The following CSMD1 variants were observed in gnomAD, a reference collection of about 807,000 sequenced individuals.
CSMD1 encodes the protein CUB and sushi domain-containing protein 1.
In CSMD1, 213 loss-of-function variants were observed where a neutral mutation model predicts 417.5. The ratio of observed to expected loss-of-function variants is 0.51; its 90% CI spans 0.46 to 0.57. The LOEUF (loss-of-function observed/expected upper bound fraction) is 0.57, where lower values mean the gene tolerates loss of function less well. CSMD1 is among the 20% of genes least tolerant of loss of function. The pLI is 0.00. For synonymous variants in CSMD1, 2,862 were observed against 1,736.8 expected, an observed-to-expected ratio of 1.65 and a Z score of -16.11; for missense variants, 6,923 against 4,529.7, an observed-to-expected ratio of 1.53 and a Z score of -15.17.
At chr8:4,296,395 T>C (rs1024640610) in intron 3 of CSMD1, among the ~76,000 whole-genome samples, 1 of 152,190 alleles carries the variant, frequency 6.6e-6, no homozygotes, top group African/African-American at 2.4e-5. Flanking sequence ...AACATAATAA[T>C]GATTTAAAAT....
intron 17 of CSMD1, among the ~76,000 whole-genome samples, chr8:3,394,826 G>A (rs1434032430): frequency 6.6e-6 from 1 of 152,040 alleles, no homozygotes; most frequent in Non-Finnish European, 1.5e-5. Context: ...TTACTTTGGA[G>A]CAAATGTTGT....
In CSMD1 at chr8:4,143,386, TTG is replaced by T. The variant is rs79491551; in HGVS notation, c.416-111289_416-111288del. 2.1e-4 allele frequency among the ~76,000 whole-genome samples: 30 copies of T among 143,208 alleles called. 1 individual carries two copies. Among genetic ancestry groups the T allele is most frequent in the African/African-American group, 7.4e-4 (29 of 39,346 alleles). 94.0% of individuals were successfully genotyped at this position (143,208 alleles called of 152,430 possible). ...CGTCTTATCCCTTTTTTTTTTTTTT[TTG>T]CTACAGACTAAGTTAATTAGGTGGA... On this transcript the variant is annotated intron_variant, in intron 3 of 69. Coordinates refer to ENST00000635120, the MANE Select transcript of CSMD1 (RefSeq NM_033225.6).
At chr8:3,854,194 T>A (rs900270462) in intron 5 of CSMD1, among the ~76,000 whole-genome samples, 2 of 148,580 alleles carry the variant, frequency 1.3e-5, no homozygotes, top group East Asian at 3.9e-4. Context: ...AATGGACCAA[T>A]TCTCATGCTT....
intron 40 of CSMD1, among the ~76,000 whole-genome samples, chr8:3,149,187 AAT>A (rs1819038280): frequency 6.6e-6 from 1 of 152,232 alleles, no homozygotes; most frequent in Non-Finnish European, 1.5e-5. Flanking sequence ...TCTCTCGCAC[AAT>A]AGTTTATAAA....
chr8:4,523,993 C>A (rs1003776344), intron 2 of CSMD1, among the ~76,000 whole-genome samples: 13 of 152,040 alleles, frequency 8.6e-5, no homozygotes, highest in Admixed American at 3.9e-4. Context: ...TCAAATGGGT[C>A]CCTATGTTAG....
intron 3 of CSMD1, among the ~76,000 whole-genome samples, chr8:4,224,509 A>G (rs1261754801): frequency 2.6e-5 from 4 of 152,156 alleles, no homozygotes; most frequent in Non-Finnish European, 5.9e-5. Context: ...TGTCTACTAA[A>G]TGCCCTCTTC....
rs142554898 is a variant in CSMD1, at chr8:4,474,181, G to A, written c.303-54116C>T. Among the ~76,000 whole-genome samples, 722 of 152,136 alleles carry A rather than the reference G, an allele frequency of 4.7e-3. 4 individuals carry two copies. Among genetic ancestry groups the A allele is most frequent in the African/African-American group, 0.016 (678 of 41,494 alleles). On this transcript the variant is annotated intron_variant, in intron 2 of 69. Coordinates refer to ENST00000635120, the MANE Select transcript of CSMD1 (RefSeq NM_033225.6). Reference sequence around the variant, plus strand: ...ATTTCCACACATGGAAATAATCTTCGTAAGTGAAAATTTAAATGTAAGAAC... The same window carrying A: ...ATTTCCACACATGGAAATAATCTTCATAAGTGAAAATTTAAATGTAAGAAC...
chr8:3,264,206 T>C (rs1029476091), intron 26 of CSMD1, among the ~76,000 whole-genome samples: 1 of 152,194 alleles, frequency 6.6e-6, no homozygotes, highest in Non-Finnish European at 1.5e-5. Flanking sequence ...GAGGAAGTAA[T>C]TATTAGATTT....
chr8:3,401,577 G>C (rs1563349753), intron 15 of CSMD1, among the ~76,000 whole-genome samples: 1 of 152,162 alleles, frequency 6.6e-6, no homozygotes, highest in African/African-American at 2.4e-5. Context: ...GTTTGGATTA[G>C]ATTACACTGC....
At chr8:3,520,898 T>G (rs193116242) in intron 10 of CSMD1, among the ~76,000 whole-genome samples, 1 of 152,220 alleles carries the variant, frequency 6.6e-6, no homozygotes, top group Admixed American at 6.5e-5. Context: ...CACTGGAACC[T>G]CCTGGTCACT....
chr8:3,083,645 T>C (rs3991111), intron 49 of CSMD1, among the ~76,000 whole-genome samples: 3 of 28,830 alleles, frequency 1.0e-4, no homozygotes, highest in African/African-American at 4.0e-4. Context: ...TATATATATA[T>C]ATATTTTTTT....
chr8:3,117,080 A>T (rs1031157585), intron 42 of CSMD1, among the ~76,000 whole-genome samples: 2 of 151,880 alleles, frequency 1.3e-5, no homozygotes, highest in African/African-American at 4.8e-5. Context: ...TTATTTATTT[A>T]TTTATTTTGA....
At chr8:3,282,673 C>G (rs971896271) in intron 26 of CSMD1, among the ~76,000 whole-genome samples, 3 of 152,148 alleles carry the variant, frequency 2.0e-5, no homozygotes, top group Non-Finnish European at 2.9e-5. Flanking sequence ...TGTACAAGTA[C>G]TATTCCACAG....
At chr8:4,884,297 C>T (rs544862622) in intron 1 of CSMD1, among the ~76,000 whole-genome samples, 42 of 151,972 alleles carry the variant, frequency 2.8e-4, no homozygotes, top group Non-Finnish European at 5.4e-4. Flanking sequence ...ATAGATGATT[C>T]GCCCAATTTA....
At chr8:4,428,095 G>C (rs1395315670) in intron 2 of CSMD1, among the ~76,000 whole-genome samples, 3 of 152,172 alleles carry the variant, frequency 2.0e-5, no homozygotes, top group Non-Finnish European at 2.9e-5. Flanking sequence ...AATATCAAGA[G>C]TGAATGGGAT....
intron 5 of CSMD1, among the ~76,000 whole-genome samples, chr8:3,807,709 A>G (rs1800826429): frequency 6.6e-6 from 1 of 152,116 alleles, no homozygotes; most frequent in African/African-American, 2.4e-5. Context: ...CTTGAGCTAT[A>G]AGGGATCCTA....
chr8:4,910,455 G>A (rs187970261), intron 1 of CSMD1, among the ~76,000 whole-genome samples: 1 of 152,170 alleles, frequency 6.6e-6, no homozygotes, highest in Non-Finnish European at 1.5e-5. Flanking sequence ...TTATTAGCGG[G>A]TTTGTCCTCT....
intron 3 of CSMD1, among the ~76,000 whole-genome samples, chr8:4,291,583 T>G (rs1003496166): frequency 5.3e-5 from 8 of 152,216 alleles, no homozygotes; most frequent in African/African-American, 1.9e-4. Flanking sequence ...AGCTGAAGCG[T>G]AATATTTAAT....
chr8:4,025,359 T>C (rs1563332472), intron 4 of CSMD1, among the ~76,000 whole-genome samples: 1 of 152,252 alleles, frequency 6.6e-6, no homozygotes, highest in Non-Finnish European at 1.5e-5. Flanking sequence ...TTTGATCCTC[T>C]ATTTCCCTGT....
Sources: gnomAD v4.1 joint callset for allele counts (sites outside exome capture counted in the v4.1 genomes callset) on GRCh38, gnomAD v4.1.1 for gene constraint, MANE v1.5 for transcripts, NCBI Gene and HGNC (gene_info 2026-07-23, HGNC 2026-07-21) for gene names.